The following PCDHA3 variants were observed in gnomAD, a reference collection of about 807,000 sequenced individuals.
PCDHA3 encodes the protein protocadherin alpha-3.
A neutral mutation model predicts 62.2 loss-of-function variants in PCDHA3; 41 were observed. That is an observed-to-expected ratio of 0.66 (90% CI 0.51 to 0.86). The LOEUF (loss-of-function observed/expected upper bound fraction) is 0.86, where lower values mean the gene tolerates loss of function less well. PCDHA3 is among the 40% of genes least tolerant of loss of function. The pLI is 0.00. For synonymous variants in PCDHA3, 640 were observed against 555.4 expected (o/e 1.15, Z -2.14); for missense variants, 1,304 against 1,241.2 (o/e 1.05, Z -0.76).
intron 1 of PCDHA3, among the ~76,000 whole-genome samples, chr5:140,900,826 A>G (rs1554189460): frequency 2.0e-5 from 3 of 152,224 alleles, no homozygotes. Flanking sequence ...CATTCCCACC[A>G]ACAATGTACA....
chr5:140,835,710 G>A (rs1773867505), intron 1 of PCDHA3: 1 of 1,613,842 alleles, frequency 6.2e-7, no homozygotes, highest in Non-Finnish European at 8.5e-7. Context: ...TAGCGTGTCC[G>A]TGGAGGTGGC....
chr5:140,881,595 TTAATA>T (rs2058765091), intron 1 of PCDHA3, among the ~76,000 whole-genome samples: 1 of 152,250 alleles, frequency 6.6e-6, no homozygotes, highest in Non-Finnish European at 1.5e-5. Flanking sequence ...GGGAAATTTA[TTAATA>T]TGATGTGCTT....
At chr5:140,864,895 G>T (rs1212830646) in intron 1 of PCDHA3, 1 of 152,160 alleles carries the variant, frequency 6.6e-6, no homozygotes, top group African/African-American at 2.4e-5. Context: ...AAGCTGCATG[G>T]TCTTCAGAAT....
At chr5:140,928,309 G>A (rs1554205732) in intron 1 of PCDHA3, 1 of 1,614,122 alleles carries the variant, frequency 6.2e-7, no homozygotes, top group Non-Finnish European at 8.5e-7. Context: ...CCAGGACCCC[G>A]ACCTGGGGAA....
intron 1 of PCDHA3, chr5:140,865,781 A>G (rs1213634186): frequency 3.3e-5 from 5 of 152,208 alleles, no homozygotes; most frequent in Admixed American, 1.3e-4. Flanking sequence ...TCAAATGTGT[A>G]TCTTTCAGGC....
intron 1 of PCDHA3, among the ~76,000 whole-genome samples, chr5:140,930,720 A>T (rs574022781): frequency 5.3e-5 from 8 of 152,226 alleles, no homozygotes; most frequent in Non-Finnish European, 8.8e-5. Flanking sequence ...TCAAGTAATG[A>T]TGTTAACTGC....
chr5:140,942,796 G>C (rs2093370095), intron 1 of PCDHA3, among the ~76,000 whole-genome samples: 1 of 152,002 alleles, frequency 6.6e-6, no homozygotes, highest in Non-Finnish European at 1.5e-5. Flanking sequence ...ACAAAGGCAT[G>C]TTTTCCACAA....
chr5:140,927,427 G>C, intron 1 of PCDHA3: 2 of 1,614,114 alleles, frequency 1.2e-6, no homozygotes, highest in African/African-American at 1.3e-5. Flanking sequence ...GCGGGTTGAC[G>C]GCAGCGAATA....
At chr5:140,826,420 T>C (rs2150143820) in intron 1 of PCDHA3, among the ~76,000 whole-genome samples, 1 of 152,194 alleles carries the variant, frequency 6.6e-6, no homozygotes, top group Non-Finnish European at 1.5e-5. Context: ...TATTTTAAGA[T>C]AGAATTTCAC....
chr5:140,886,844 A>AAG (rs2061185449), intron 1 of PCDHA3, among the ~76,000 whole-genome samples: 1 of 150,634 alleles, frequency 6.6e-6, no homozygotes, highest in Non-Finnish European at 1.5e-5. Flanking sequence ...AAAAAAAAAA[A>AAG]AAAGAAAGGT....
rs982936754 is a variant in PCDHA3, at chr5:140,803,011, C to G, written c.1814C>G (p.Ala605Gly). 1.2e-6 allele frequency: 2 copies of G among 1,614,028 alleles called. No individual in the cohort carries two copies. The highest frequency in any genetic ancestry group is 1.7e-6 in the Non-Finnish European group (2 of 1,179,932). Residue 605 changes from alanine (A) to glycine (G), a missense_variant, in exon 1 of 4, where the codon GCG becomes GGG. By Grantham distance (60) the Ala-to-Gly change is moderately conservative (BLOSUM62 0). Coordinates refer to ENST00000522353, the MANE Select transcript of PCDHA3 (RefSeq NM_018906.3). The stretch of plus-strand genomic sequence containing the variant: ...GTGGATGCAGACTCAGGCTACAACG[C>G]GTGGCTTTCGTATGAGCTGCAGCCT... The part of the protein sequence containing the change: ...RAVDADSGYN[A>G]WLSYELQPGT...
chr5:140,805,204 A>G lies in PCDHA3; in HGVS notation c.2394+1613A>G, dbSNP rs956431518. ...CCAAATAAATATTGAATAGCTACCA[A>G]ATAAACATTGTTTTCTATTCTGCTG... On this transcript the variant is annotated intron_variant, in intron 1 of 3. Transcript: ENST00000522353. 5.6e-6 allele frequency: 8 copies of G among 1,437,732 alleles called. No individual in the cohort carries two copies. The Admixed American group carries it at 2.1e-4, about 37-fold the overall frequency. 89.1% of individuals were successfully genotyped at this position (1,437,732 alleles called of 1,614,324 possible).
At chr5:140,929,395 C>G (rs1317256449) in intron 1 of PCDHA3, 8 of 1,510,412 alleles carry the variant, frequency 5.3e-6, no homozygotes, top group Non-Finnish European at 5.3e-6. Flanking sequence ...TGAAATATTT[C>G]TTAGACAAGC....
intron 1 of PCDHA3, among the ~76,000 whole-genome samples, chr5:140,871,851 A>G (rs561924103): frequency 6.6e-6 from 1 of 152,382 alleles, no homozygotes; most frequent in East Asian, 1.9e-4. Flanking sequence ...AATTATGACC[A>G]TAATAACTAT....
At chr5:140,897,803 C>G (rs1285512803) in intron 1 of PCDHA3, among the ~76,000 whole-genome samples, 1 of 152,130 alleles carries the variant, frequency 6.6e-6, no homozygotes, top group Non-Finnish European at 1.5e-5. Context: ...AGAGTCCCAC[C>G]AACAGTGTAA....
chr5:140,848,620 G>A lies in PCDHA3; in HGVS notation c.2394+45029G>A, dbSNP rs149227021. 3.5e-4 allele frequency: 562 copies of A among 1,593,402 alleles called. 59 individuals are homozygous for A. Among genetic ancestry groups the A allele is most frequent in the Non-Finnish European group, 4.4e-4 (511 of 1,163,966 alleles). On this transcript the variant is annotated intron_variant, in intron 1 of 3. Coordinates refer to ENST00000522353, the MANE Select transcript of PCDHA3 (RefSeq NM_018906.3). Reference sequence around the variant, plus strand: ...TCCGTCCCGGAGGAAGCCGAACACGGCACCTTCGTGGGCCGCATCGCGCAG... The same window carrying A: ...TCCGTCCCGGAGGAAGCCGAACACGACACCTTCGTGGGCCGCATCGCGCAG...
At chr5:140,915,096 C>T (rs530875134) in intron 1 of PCDHA3, among the ~76,000 whole-genome samples, 1 of 152,060 alleles carries the variant, frequency 6.6e-6, no homozygotes, top group Admixed American at 6.5e-5. Context: ...TGGGCACGCA[C>T]CACCACAACA....
At chr5:140,876,754 C>A in intron 1 of PCDHA3, 1 of 1,614,212 alleles carries the variant, frequency 6.2e-7, no homozygotes, top group Non-Finnish European at 8.5e-7. Context: ...GGTGACTGCG[C>A]GGGATGGGGG....
intron 1 of PCDHA3, chr5:140,927,566 A>G: frequency 6.2e-7 from 1 of 1,614,168 alleles, no homozygotes; most frequent in Non-Finnish European, 8.5e-7. Flanking sequence ...ATTGTGGTGG[A>G]CACAAATGAC....
Sources: gnomAD v4.1 joint callset for allele counts (sites outside exome capture counted in the v4.1 genomes callset) on GRCh38, gnomAD v4.1.1 for gene constraint, MANE v1.5 for transcripts, NCBI Gene and HGNC (gene_info 2026-07-23, HGNC 2026-07-21) for gene names.